ANKS1B: variants seen among roughly 807,000 people sequenced by gnomAD.
The protein encoded by ANKS1B is ankyrin repeat and sterile alpha motif domain-containing protein 1B.
In ANKS1B, 36 loss-of-function variants were observed where a neutral mutation model predicts 148.3. That is an observed-to-expected ratio of 0.24 (90% CI 0.19 to 0.32). The LOEUF is 0.32. Ranked by LOEUF, ANKS1B falls within the 10% of genes least tolerant of loss-of-function variation. The probability of loss-of-function intolerance (pLI) is 1.00; values close to 1 mark genes in which losing one functional copy is unlikely to be tolerated. For synonymous variants in ANKS1B, 542 were observed against 560.8 expected, an observed-to-expected ratio of 0.97 and a Z score of 0.47; for missense variants, 1,157 against 1,542.6, an observed-to-expected ratio of 0.75 and a Z score of 4.19.
chr12:98,743,591 G>A (rs754382513), downstream of ANKS1B, among the ~76,000 whole-genome samples: 22 of 152,100 alleles, frequency 1.4e-4, no homozygotes, highest in Non-Finnish European at 2.5e-4. Context: ...TCTGGTCTAT[G>A]GGGCTGCTGT....
intron 8 of ANKS1B, among the ~76,000 whole-genome samples, chr12:99,695,621 T>G (rs1185498451): frequency 6.6e-6 from 1 of 152,094 alleles, no homozygotes; most frequent in Non-Finnish European, 1.5e-5. Flanking sequence ...CCACTTAAAA[T>G]TAGATTCATA....
At chr12:99,269,651 C>G (rs1033309807) in intron 12 of ANKS1B, among the ~76,000 whole-genome samples, 1 of 152,160 alleles carries the variant, frequency 6.6e-6, no homozygotes, top group African/African-American at 2.4e-5. Context: ...CTCCGCGTCC[C>G]GGGTTCACGC....
chr12:99,486,782 A>G (rs1030737137), intron 10 of ANKS1B, among the ~76,000 whole-genome samples: 24 of 152,140 alleles, frequency 1.6e-4, no homozygotes, highest in Non-Finnish European at 2.9e-4. Context: ...GGCTATGCAG[A>G]TCGGATAGGC....
intron 8 of ANKS1B, among the ~76,000 whole-genome samples, chr12:99,659,769 C>A (rs1056001685): frequency 6.6e-6 from 1 of 152,046 alleles, no homozygotes; most frequent in Admixed American, 6.6e-5. Flanking sequence ...TAAGAATTAT[C>A]CCTATTTTAC....
intron 16 of ANKS1B, among the ~76,000 whole-genome samples, chr12:99,055,095 A>C (rs1317009302): frequency 2.6e-5 from 4 of 152,256 alleles, no homozygotes; most frequent in African/African-American, 7.2e-5. Context: ...GTATAAGATC[A>C]GAGGCTAGGA....
chr12:99,948,892 G>A (rs56818578), intron 1 of ANKS1B, among the ~76,000 whole-genome samples: 10,791 of 152,104 alleles, frequency 0.071, 501 homozygotes, highest in Middle Eastern at 0.14. Context: ...AATACTTTCC[G>A]ATCATGGCTT....
chr12:99,506,307 T>G (rs1240643342), intron 9 of ANKS1B, among the ~76,000 whole-genome samples: 1 of 152,060 alleles, frequency 6.6e-6, no homozygotes, highest in Non-Finnish European at 1.5e-5. Flanking sequence ...AAAGATTTAG[T>G]ACGAATTCCT....
chr12:99,010,595 A>G (rs1014358003), intron 17 of ANKS1B, among the ~76,000 whole-genome samples: 2 of 152,144 alleles, frequency 1.3e-5, no homozygotes, highest in African/African-American at 2.4e-5. Flanking sequence ...ACTGTGTCTC[A>G]GAGGGTGAGA....
intron 9 of ANKS1B, among the ~76,000 whole-genome samples, chr12:99,583,163 G>A (rs1020350759): frequency 6.6e-6 from 1 of 152,128 alleles, no homozygotes; most frequent in Non-Finnish European, 1.5e-5. Context: ...TGCACATACA[G>A]TACACTCTAT....
At chr12:99,970,421 A>C (rs61941604) in intron 1 of ANKS1B, among the ~76,000 whole-genome samples, 2 of 151,998 alleles carry the variant, frequency 1.3e-5, no homozygotes, top group Non-Finnish European at 2.9e-5. Flanking sequence ...AAACATGCTT[A>C]AGAAAAAAGT....
At chr12:99,575,068 T>C (rs1163644125) in intron 9 of ANKS1B, among the ~76,000 whole-genome samples, 1 of 152,010 alleles carries the variant, frequency 6.6e-6, no homozygotes, top group East Asian at 1.9e-4. Flanking sequence ...TTATACCAAA[T>C]TTGCAACATA....
chr12:99,848,336 G>C (rs930705891), intron 1 of ANKS1B, among the ~76,000 whole-genome samples: 5 of 152,156 alleles, frequency 3.3e-5, no homozygotes, highest in Admixed American at 6.5e-5. Context: ...GGAGGAAATA[G>C]AGAGAAAGAA....
chr12:99,767,468 A>G (rs1481421176), intron 8 of ANKS1B, among the ~76,000 whole-genome samples: 1 of 152,108 alleles, frequency 6.6e-6, no homozygotes, highest in African/African-American at 2.4e-5. Flanking sequence ...AATGATCTTT[A>G]TCATCAAATT....
intron 14 of ANKS1B, among the ~76,000 whole-genome samples, chr12:99,235,266 G>T (rs779389006): frequency 6.6e-6 from 1 of 151,968 alleles, no homozygotes; most frequent in South Asian, 2.1e-4. Flanking sequence ...ATGGCTCAAT[G>T]GCACTATATG....
At chr12:98,810,955 A>G (rs894250589) in intron 19 of ANKS1B, among the ~76,000 whole-genome samples, 1 of 152,190 alleles carries the variant, frequency 6.6e-6, no homozygotes, top group East Asian at 1.9e-4. Flanking sequence ...GGCAGGTGTC[A>G]TGGTCTACCT....
intron 1 of ANKS1B, among the ~76,000 whole-genome samples, chr12:99,939,228 C>T (rs562546129): frequency 7.2e-5 from 11 of 152,114 alleles, no homozygotes; most frequent in Admixed American, 2.0e-4. Context: ...GTATCTAGGA[C>T]TACAGGTGAC....
At position 99,053,294 on chromosome 12, in the gene ANKS1B, G is replaced by A; in HGVS notation, c.2641C>T (p.His881Tyr). The change falls in exon 17 of 27, where the codon CAT becomes TAT. Residue 881 changes from histidine (H) to tyrosine (Y), a missense_variant. His to Tyr is a moderately conservative substitution (Grantham distance 83). Around this residue, in one of 6 missense-constraint regions of ANKS1B, gnomAD observed 258 missense variants for 497.0 expected, o/e 0.52. Coordinates refer to ENST00000683438, the MANE Select transcript of ANKS1B (RefSeq NM_001352186.2). Reference protein sequence around the residue: ...QLLPKMRPIGHDGYHPTSVAE... With the variant: ...QLLPKMRPIGYDGYHPTSVAE... ...ACAGAGGTGGGATGGTAGCCATCATGCCCAATGGGTCTCATCTGTAATAAA... is the reference window on the plus strand; with the variant it reads ...ACAGAGGTGGGATGGTAGCCATCATACCCAATGGGTCTCATCTGTAATAAA... 6.2e-7 allele frequency: 1 copy of A among 1,608,440 alleles called. No homozygotes were observed.
chr12:99,456,163 C>G (rs2095844698), intron 10 of ANKS1B, among the ~76,000 whole-genome samples: 1 of 152,056 alleles, frequency 6.6e-6, no homozygotes, highest in Non-Finnish European at 1.5e-5. Flanking sequence ...AGGCTAGATT[C>G]AGAAGAAAAA....
At position 99,611,957 on chromosome 12, in the gene ANKS1B, G is replaced by A. The variant is rs562972085; in HGVS notation, c.1272+43110C>T. ...TTTTTCACATATGAGAAGTTCTCAC[G>A]TAAATGTCCTGAATATCTAAACCAA... On this transcript the variant is annotated intron_variant, in intron 9 of 26. Coordinates refer to ENST00000683438, the MANE Select transcript of ANKS1B (RefSeq NM_001352186.2). Among the ~76,000 whole-genome samples the A allele has an allele frequency of 1.1e-4, 16 of 152,062 alleles. 1 individual carries two copies. In the East Asian group the frequency reaches 2.9e-3, roughly 28 times the overall value.
Sources: gnomAD v4.1 joint callset for allele counts (sites outside exome capture counted in the v4.1 genomes callset) on GRCh38, gnomAD v4.1.1 for gene constraint, gnomAD v4.1.1 regional missense constraint, MANE v1.5 for transcripts, NCBI Gene and HGNC (gene_info 2026-07-23, HGNC 2026-07-21) for gene names.